The following PRDM1 variants were observed in gnomAD, a reference collection of about 807,000 sequenced individuals.
The protein encoded by PRDM1 is PR/SET domain 1, also known as PR domain zinc finger protein 1.
A neutral mutation model predicts 62.8 loss-of-function variants in PRDM1; 13 were observed. The ratio of observed to expected loss-of-function variants is 0.21; its 90% CI spans 0.13 to 0.33. The LOEUF (loss-of-function observed/expected upper bound fraction) is 0.33, where lower values mean the gene tolerates loss of function less well. Among genes scored for constraint, PRDM1 ranks in the 10% least tolerant of loss-of-function variants. The pLI, the probability that PRDM1 is intolerant of heterozygous loss-of-function variation, is 1.00. For synonymous variants in PRDM1, 396 were observed against 417.6 expected, an observed-to-expected ratio of 0.95 and a Z score of 0.63; for missense variants, 895 against 1,058.8, an observed-to-expected ratio of 0.85 and a Z score of 2.15.
chr6:106,023,053 G>A (rs567463111), intron 1 of PRDM1, among the ~76,000 whole-genome samples: 5 of 152,176 alleles, frequency 3.3e-5, no homozygotes, highest in Admixed American at 2.0e-4. Flanking sequence ...CTTCCCCCTC[G>A]TGTGCTGTTA....
chr6:105,995,347 AC>A (rs1772336446), intron 1 of PRDM1, among the ~76,000 whole-genome samples: 1 of 152,132 alleles, frequency 6.6e-6, no homozygotes, highest in East Asian at 1.9e-4. Context: ...CTACCTTTTA[AC>A]AGAACCTTCT....
In PRDM1 at chr6:106,043,421, C is replaced by T. The variant is rs116583054; in HGVS notation, c.-66-44780C>T. On this transcript the variant is annotated intron_variant, in intron 1 of 6. Transcript: ENST00000652320. Reference sequence around the variant, plus strand: ...ATGTAGAGGGAGCTCAGTAAATAATCGTTGGCTAACTGAATGAATGAATGA... The same window carrying T: ...ATGTAGAGGGAGCTCAGTAAATAATTGTTGGCTAACTGAATGAATGAATGA... 8.0e-3 allele frequency among the ~76,000 whole-genome samples: 1,223 copies of T among 152,254 alleles called. 19 individuals carry two copies. Among genetic ancestry groups the T allele is most frequent in the African/African-American group, 0.028 (1,179 of 41,554 alleles).
intron 1 of PRDM1, among the ~76,000 whole-genome samples, chr6:106,022,666 C>T (rs1414613259): frequency 6.6e-6 from 1 of 152,104 alleles, no homozygotes; most frequent in Non-Finnish European, 1.5e-5. Flanking sequence ...TTCAAGTGAT[C>T]TGCCCACCTC....
chr6:106,023,217 T>C (rs1271493348), intron 1 of PRDM1, among the ~76,000 whole-genome samples: 1 of 152,256 alleles, frequency 6.6e-6, no homozygotes, highest in Non-Finnish European at 1.5e-5. Context: ...AATGGTTATT[T>C]AATCTATCAT....
chr6:106,052,973 A>T (rs1179500101), intron 1 of PRDM1, among the ~76,000 whole-genome samples: 1 of 152,182 alleles, frequency 6.6e-6, no homozygotes, highest in African/African-American at 2.4e-5. Context: ...TCTCAAAAAA[A>T]AAAAGTTATG....
At chr6:106,075,943 T>G (rs1417590060) in intron 1 of PRDM1, among the ~76,000 whole-genome samples, 1 of 148,124 alleles carries the variant, frequency 6.8e-6, no homozygotes, top group African/African-American at 2.6e-5. Flanking sequence ...ACAGGGAAAA[T>G]TAAAAAAAAA....
At chr6:106,030,996 C>CTTTTTTTTTTTTTTTTTATTTTTT (rs11343130) in intron 1 of PRDM1, among the ~76,000 whole-genome samples, 2 of 135,314 alleles carry the variant, frequency 1.5e-5, no homozygotes, top group African/African-American at 2.7e-5. Flanking sequence ...TGTATTCTCT[C>CTTTTTTTTTTTTTTTTTATTTTTT]TTTTTTTTTT....
chr6:106,087,436 T>C (rs1017733540), intron 1 of PRDM1: 2 of 231,546 alleles, frequency 8.6e-6, no homozygotes, highest in African/African-American at 4.4e-5. Flanking sequence ...TGTTTTGTTT[T>C]TGCCTTTTCA....
intron 3 of PRDM1, chr6:106,099,086 A>G (rs1430580419): frequency 6.2e-7 from 1 of 1,614,176 alleles, no homozygotes; most frequent in East Asian, 2.2e-5. Context: ...TAAAACTGAA[A>G]TGGAAAAGGT....
At chr6:106,009,641 C>G (rs1242262188) in intron 1 of PRDM1, among the ~76,000 whole-genome samples, 2 of 152,028 alleles carry the variant, frequency 1.3e-5, no homozygotes, top group African/African-American at 2.4e-5. Context: ...GAGAGAGAGC[C>G]CTGAAACCAA....
chr6:106,038,630 A>G (rs996037108), intron 1 of PRDM1, among the ~76,000 whole-genome samples: 1 of 152,196 alleles, frequency 6.6e-6, no homozygotes, highest in African/African-American at 2.4e-5. Context: ...TCTACACTCC[A>G]TGATCCAAAG....
At chr6:106,050,181 A>G (rs946511648) in intron 1 of PRDM1, among the ~76,000 whole-genome samples, 15 of 152,150 alleles carry the variant, frequency 9.9e-5, no homozygotes, top group Admixed American at 4.6e-4. Context: ...TGTGCCTTGG[A>G]TCCATAGGCT....
At chr6:106,082,771 C>T (rs575431927), upstream of PRDM1, among the ~76,000 whole-genome samples, 334 of 152,286 alleles carry the variant, frequency 2.2e-3, 4 homozygotes, top group Non-Finnish European at 3.8e-3. Flanking sequence ...GTCACCGTCC[C>T]AATGTTTAGG....
chr6:106,025,742 C>T (rs1291336236), intron 1 of PRDM1, among the ~76,000 whole-genome samples: 2 of 152,146 alleles, frequency 1.3e-5, no homozygotes, highest in Non-Finnish European at 2.9e-5. Flanking sequence ...CAAATTGATA[C>T]TCTTTGGGGA....
rs551121261 is a variant in PRDM1, at chr6:106,015,119, G to T, written c.-67+21480G>T. On this transcript the variant is annotated intron_variant, in intron 1 of 6. Transcript: ENST00000652320. ...TGGATAACTCAAAGGTGGGGAGGTT[G>T]CGTTTCTTCCTTTCTTTTACAAGGT... Among the ~76,000 whole-genome samples, 3 of 152,298 alleles carry T rather than the reference G, an allele frequency of 2.0e-5. No homozygotes were observed. The South Asian group carries it at 6.2e-4, about 32-fold the overall frequency.
intron 4 of PRDM1, among the ~76,000 whole-genome samples, chr6:106,102,437 T>C (rs180968424): frequency 9.2e-5 from 14 of 152,354 alleles, no homozygotes; most frequent in African/African-American, 3.4e-4. Context: ...CTGGATGTTC[T>C]TTTAGAATAA....
intron 1 of PRDM1, among the ~76,000 whole-genome samples, chr6:106,035,755 G>T (rs1382182874): frequency 1.3e-5 from 2 of 151,876 alleles, no homozygotes; most frequent in Admixed American, 6.6e-5. Flanking sequence ...TTTGTCTTTG[G>T]ATCTAAAGTG....
intron 1 of PRDM1, among the ~76,000 whole-genome samples, chr6:106,058,194 A>G (rs1004445336): frequency 5.3e-5 from 8 of 152,228 alleles, no homozygotes; most frequent in Non-Finnish European, 1.0e-4. Context: ...GCTTGTAAAC[A>G]AAAGAAGTTT....
At chr6:106,104,731 ACT>A in intron 4 of PRDM1, 92 bp from the exon 5 acceptor site, 1 of 1,413,046 alleles carries the variant, frequency 7.1e-7, no homozygotes, top group Non-Finnish European at 9.6e-7. Flanking sequence ...GCCAGCTGTT[ACT>A]CAGGTTTTCT....
Sources: allele counts gnomAD v4.1 joint callset (sites outside exome capture counted in the v4.1 genomes callset), GRCh38; gene constraint gnomAD v4.1.1; transcripts MANE v1.5; gene names NCBI Gene and HGNC (gene_info 2026-07-23, HGNC 2026-07-21).